The following C4BPA variants were observed in gnomAD, a reference collection of about 807,000 sequenced individuals.
C4BPA encodes complement component 4 binding protein alpha, also known as C4b-binding protein alpha chain.
Under a neutral mutation model 63.7 loss-of-function variants are expected in C4BPA, and 31 were observed. That is an observed-to-expected ratio of 0.49 (90% CI 0.37 to 0.66). The LOEUF (loss-of-function observed/expected upper bound fraction) is 0.66, where lower values mean the gene tolerates loss of function less well. Ranked by LOEUF, C4BPA falls within the 30% of genes least tolerant of loss-of-function variation. The pLI is 0.00. For synonymous variants in C4BPA, 259 were observed against 254.7 expected (o/e 1.02, Z -0.16); for missense variants, 572 against 723.3 (o/e 0.79, Z 2.40).
intron 9 of C4BPA, among the ~76,000 whole-genome samples, chr1:207,136,653 T>G (rs932268080): frequency 1.3e-5 from 2 of 152,230 alleles, no homozygotes; most frequent in African/African-American, 4.8e-5. Context: ...TAATGCAGCT[T>G]CCATTCATTT....
In C4BPA at chr1:207,134,462, T is replaced by G. The variant is rs773019703; in HGVS notation, c.1143T>G (p.Ser381Arg). The G allele has an allele frequency of 1.2e-5, 20 of 1,613,856 alleles. No individual in the cohort carries two copies. Among genetic ancestry groups the G allele is most frequent in the Middle Eastern group, 1.7e-4 (1 of 6,060 alleles). The part of the protein sequence containing the change: ...NNGEITQHRK[S>R]RPANHCVYFY... ...GTGAAATCACTCAACACAGGAAAAG[T>G]CGTCCTGCCAATCACTGTGTTTATT... Residue 381 changes from serine to arginine, a missense_variant, in exon 9 of 12, where the codon AGT becomes AGG. This residue lies in a region of C4BPA where 465 missense variants were observed against 629.4 expected (regional missense o/e 0.74). Transcript: ENST00000367070.
chr1:207,135,740 A>G (rs61821018), intron 9 of C4BPA, among the ~76,000 whole-genome samples: 235 of 152,316 alleles, frequency 1.5e-3, no homozygotes, highest in Non-Finnish European at 1.6e-3. Context: ...GTATCCCATC[A>G]CTGTCAAGCA....
chr1:207,132,102 G>A (rs1685172613), intron 8 of C4BPA, among the ~76,000 whole-genome samples: 2 of 152,194 alleles, frequency 1.3e-5, no homozygotes, highest in Admixed American at 1.3e-4. Flanking sequence ...GGGCTTTGGG[G>A]TGTTTGGCAG....
chr1:207,137,851 G>A (rs1685321827), intron 9 of C4BPA, among the ~76,000 whole-genome samples: 1 of 152,096 alleles, frequency 6.6e-6, no homozygotes, highest in Non-Finnish European at 1.5e-5. Flanking sequence ...CTCCTGACCT[G>A]AAGTGATCCG....
intron 7 of C4BPA, among the ~76,000 whole-genome samples, chr1:207,128,739 A>T (rs1685100583): frequency 6.6e-6 from 1 of 152,214 alleles, no homozygotes; most frequent in African/African-American, 2.4e-5. Flanking sequence ...GACTTAACTG[A>T]ACTAGTCCAA....
intron 4 of C4BPA, among the ~76,000 whole-genome samples, chr1:207,117,524 T>C (rs1481867255): frequency 2.0e-5 from 3 of 152,162 alleles, no homozygotes; most frequent in South Asian, 4.1e-4. Flanking sequence ...GTTAAGAATA[T>C]GTTACCGTAG....
intron 8 of C4BPA, among the ~76,000 whole-genome samples, chr1:207,132,137 G>T (rs1254330112): frequency 1.3e-5 from 2 of 152,180 alleles, no homozygotes; most frequent in African/African-American, 4.8e-5. Context: ...AAACAGTCAT[G>T]AGCGTAACCA....
chr1:207,104,661 T>C (rs1211139633), intron 1 of C4BPA, among the ~76,000 whole-genome samples: 11 of 152,234 alleles, frequency 7.2e-5, no homozygotes, highest in Admixed American at 2.6e-4. Context: ...TATTGCATTC[T>C]AATAAAATAA....
chr1:207,131,399 T>C, intron 7 of C4BPA, 147 bp from the exon 8 acceptor site: 1 of 600,830 alleles, frequency 1.7e-6, no homozygotes, highest in South Asian at 2.1e-5. Context: ...ATGTGTGTTT[T>C]CTGGTGTGGT....
At position 207,113,167 on chromosome 1, in the gene C4BPA, GGTGA is replaced by G; in HGVS notation, c.142+3_142+6del. ...CGCTGCTCTGTTGCCTGCTGTTCTT[GGTGA>G]GTAGTGGGAAACAAGCTCAAATCAG... On this transcript the variant is annotated splice_donor_variant and splice_donor_region_variant and intron_variant, in intron 2 of 11. Transcript: ENST00000367070. LOFTEE classifies it high-confidence loss of function. 6.2e-7 allele frequency: 1 copy of G among 1,608,394 alleles called. No homozygotes were observed. The highest frequency in any genetic ancestry group is 8.5e-7 in the Non-Finnish European group (1 of 1,178,070).
At position 207,124,013 on chromosome 1, in the gene C4BPA, T is replaced by G; in HGVS notation, c.514+6T>G. ...TCCTCTCCCACAATGTGAAAGTAAG[T>G]AAAGACTCTTCTGACTTGACTATCA... is the stretch of plus-strand genomic sequence containing the variant. On this transcript the variant is annotated splice_donor_region_variant and intron_variant, in intron 5 of 11. Transcript: ENST00000367070. 6.3e-7 allele frequency: 1 copy of G among 1,594,254 alleles called. No homozygotes were observed. The highest frequency in any genetic ancestry group is 8.6e-7 in the Non-Finnish European group (1 of 1,163,092).
chr1:207,113,954 A>C (rs1052327796), intron 2 of C4BPA, 146 bp from the exon 3 acceptor site: 1 of 612,716 alleles, frequency 1.6e-6, no homozygotes, highest in Non-Finnish European at 2.9e-6. Context: ...TATTGAACAG[A>C]GAGTATAATA....
At chr1:207,106,457 T>TTTTTTTTTTTTTTTTTG (rs905722793) in intron 1 of C4BPA, among the ~76,000 whole-genome samples, 4 of 129,656 alleles carry the variant, frequency 3.1e-5, no homozygotes, top group African/African-American at 1.3e-4. Context: ...TTTTTTTTTT[T>TTTTTTTTTTTTTTTTTG]GAAACGGAGT....
chr1:207,119,240 G>T lies in C4BPA; in HGVS notation c.428+3725G>T, dbSNP rs1168863516. 3.2e-5 allele frequency among the ~76,000 whole-genome samples: 3 copies of T among 92,444 alleles called. 1 individual carries two copies. The highest frequency in any genetic ancestry group is 9.1e-5 in the African/African-American group (3 of 33,038). 60.6% of individuals were successfully genotyped at this position (92,444 alleles called of 152,430 possible). A position where few individuals can be genotyped will look rare whatever the true frequency, so the allele number is the denominator to read the frequency against. ...GCTGGCTCTGCTGTGGCCTGGTTGA[G>T]CCCTCTACTAACAAAGTGATAGAAC... On this transcript the variant is annotated intron_variant, in intron 4 of 11. Coordinates refer to ENST00000367070, the MANE Select transcript of C4BPA (RefSeq NM_000715.4).
intron 7 of C4BPA, among the ~76,000 whole-genome samples, chr1:207,127,660 T>G (rs1265708336): frequency 1.3e-5 from 2 of 152,204 alleles, no homozygotes; most frequent in African/African-American, 4.8e-5. Flanking sequence ...TGAAGAGGTA[T>G]CCACCAAGCT....
intron 11 of C4BPA, 73 bp downstream of exon 11, chr1:207,144,066 C>T: frequency 2.8e-6 from 3 of 1,071,342 alleles, no homozygotes; most frequent in Non-Finnish European, 4.0e-6. Context: ...GAGCTCTGTA[C>T]CACTCAACAA....
At position 207,144,801 on chromosome 1, in the gene C4BPA, C is replaced by A; in HGVS notation, c.*84C>A. ...CAGATCAGTTTAGCAAATCTACTGTCAATTTGGCAGTGATATTCATCATAA... is the reference window on the plus strand; with the variant it reads ...CAGATCAGTTTAGCAAATCTACTGTAAATTTGGCAGTGATATTCATCATAA... On this transcript the variant is annotated 3_prime_UTR_variant, in exon 12 of 12. Transcript: ENST00000367070. The A allele has an allele frequency of 1.3e-6, 1 of 787,968 alleles. No homozygotes were observed. Among genetic ancestry groups the A allele is most frequent in the Non-Finnish European group, 1.9e-6 (1 of 535,782 alleles). 48.8% of individuals were successfully genotyped at this position (787,968 alleles called of 1,614,324 possible).
Position 207,124,303 on chromosome 1 carries a change from A to ATTTC in C4BPA, c.646_649dup (p.Cys217PhefsTer7). The ATTTC allele has an allele frequency of 6.2e-7, 1 of 1,613,874 alleles. No homozygotes were observed. The highest frequency in any genetic ancestry group is 8.5e-7 in the Non-Finnish European group (1 of 1,179,878). The stretch of plus-strand genomic sequence containing the variant: ...CTTCTCACTCTTGGGCCATGCCTCC[A>ATTTC]TTTCTTGCACTGTGGAGAATGAAAC... On this transcript the variant is annotated frameshift_variant, in exon 6 of 12. Coordinates refer to ENST00000367070, the MANE Select transcript of C4BPA (RefSeq NM_000715.4). LOFTEE classifies it high-confidence loss of function.
In C4BPA at chr1:207,115,401, A is replaced by G; in HGVS notation, c.329-15A>G. 1.4e-6 allele frequency: 2 copies of G among 1,468,078 alleles called. No homozygotes were observed. Among genetic ancestry groups the G allele is most frequent in the Non-Finnish European group, 1.9e-6 (2 of 1,063,570 alleles). 90.9% of individuals were successfully genotyped at this position (1,468,078 alleles called of 1,614,324 possible). A position where few individuals can be genotyped will look rare whatever the true frequency, so the allele number is the denominator to read the frequency against. On this transcript the variant is annotated splice_polypyrimidine_tract_variant and intron_variant, in intron 3 of 11. Transcript: ENST00000367070. ...TACTTGGAAGTACTAATCATCATTT[A>G]AATTTTTCTCCCAGACAAACGATGC...
Sources: allele counts gnomAD v4.1 joint callset (sites outside exome capture counted in the v4.1 genomes callset), GRCh38; gene constraint gnomAD v4.1.1; regional missense constraint gnomAD v4.1.1; transcripts MANE v1.5; gene names NCBI Gene and HGNC (gene_info 2026-07-23, HGNC 2026-07-21).